Variants in CCDC66 observed in about 807,000 individuals in gnomAD.
The protein encoded by CCDC66 is coiled-coil domain containing 66.
CCDC66 carries 133 observed loss-of-function variants against 128.3 expected under a neutral mutation model. That is an observed-to-expected ratio of 1.04 (90% CI 0.90 to 1.20). The LOEUF (loss-of-function observed/expected upper bound fraction) is 1.20, where lower values mean the gene tolerates loss of function less well. Among genes scored for constraint, CCDC66 ranks in the 50% most tolerant of loss-of-function variants. CCDC66 has a pLI of 0.00. For synonymous variants in CCDC66, 387 were observed against 357.0 expected (o/e 1.08, Z -0.95); for missense variants, 1,126 against 1,075.5 (o/e 1.05, Z -0.66).
intron 7 of CCDC66, 139 bp downstream of exon 7, chr3:56,571,441 G>A: frequency 3.7e-6 from 2 of 544,130 alleles, no homozygotes; most frequent in Non-Finnish European, 3.1e-6. Flanking sequence ...GAATGCAGTG[G>A]CACAGTCTCA....
chr3:56,619,169 G>C, intron 15 of CCDC66, 102 bp from the exon 16 acceptor site: 2 of 997,276 alleles, frequency 2.0e-6, no homozygotes, highest in Non-Finnish European at 2.9e-6. Flanking sequence ...ACTCCAGCCT[G>C]GGCAACAGAG....
At chr3:56,572,677 A>G (rs1577351318) in intron 7 of CCDC66, 3 of 166,518 alleles carry the variant, frequency 1.8e-5, no homozygotes, top group East Asian at 1.8e-4. Flanking sequence ...CTGGTGGTAG[A>G]AATTTTTGGC....
chr3:56,559,622 G>A, intron 3 of CCDC66, 28 bp downstream of exon 3: 2 of 1,498,978 alleles, frequency 1.3e-6, no homozygotes, highest in Non-Finnish European at 1.8e-6. Context: ...GACCTGACCT[G>A]TTTTCAAATG....
In CCDC66 at chr3:56,619,461, T is replaced by C. The variant is rs1559788096; in HGVS notation, c.2569T>C (p.Tyr857His). 6.2e-7 allele frequency: 1 copy of C among 1,613,916 alleles called. No individual in the cohort carries two copies. Among genetic ancestry groups the C allele is most frequent in the Admixed American group, 1.7e-5 (1 of 59,990 alleles). The change falls in exon 16 of 18, where the codon TAC becomes CAC. Residue 857 changes from tyrosine (Y) to histidine (H), a missense_variant. Tyr to His is a moderately conservative substitution (Grantham distance 83, BLOSUM62 2). Transcript: ENST00000394672. ...GTATGTTCGAACAAATGAGATCTAT[T>C]ACCTTGATCCCGATGCACCATTGTC... ...IPYVRTNEIY[Y>H]LDPDAPLSGP...
chr3:56,572,254 T>A, intron 7 of CCDC66: 1 of 735,646 alleles, frequency 1.4e-6, no homozygotes. Flanking sequence ...AGTGCTTTTG[T>A]GATTTTTAAA....
intron 10 of CCDC66, among the ~76,000 whole-genome samples, chr3:56,608,118 G>A (rs560385585): frequency 5.9e-5 from 9 of 152,076 alleles, no homozygotes; most frequent in Middle Eastern, 3.2e-3. Flanking sequence ...TCCTTTCCTG[G>A]TTTTGGTATT....
chr3:56,571,289 T>C lies in CCDC66; in HGVS notation c.923T>C (p.Leu308Pro). The change falls in exon 7 of 18, where the codon CTT (leucine) becomes CCT (proline). Residue 308 changes from leucine to proline, a missense_variant. By Grantham distance (98) the Leu-to-Pro change is moderately conservative. Coordinates refer to ENST00000394672, the MANE Select transcript of CCDC66 (RefSeq NM_001141947.3). ...ATAATATGGGAAAAACATCAAATTC[T>C]TGACCAATCTAGGGTAAGACATCTT... ...DKIIWEKHQI[L>P]DQSRETVLLE... The C allele has an allele frequency of 1.3e-6, 2 of 1,526,728 alleles. No homozygotes were observed. The allele number at this position is 1,526,728 out of a possible 1,614,324, so 94.6% of individuals were successfully genotyped here.
intron 4 of CCDC66, chr3:56,565,272 T>A (rs1268177427): frequency 5.2e-6 from 1 of 191,822 alleles, no homozygotes; most frequent in East Asian, 1.6e-4. Context: ...ATTTTTATTT[T>A]ATTTATTTAT....
chr3:56,577,595 G>A (rs2067603689), intron 7 of CCDC66, among the ~76,000 whole-genome samples: 3 of 151,942 alleles, frequency 2.0e-5, no homozygotes, highest in East Asian at 3.9e-4. Flanking sequence ...TTTGTATAAG[G>A]TGTAAGGAAG....
intron 7 of CCDC66, among the ~76,000 whole-genome samples, chr3:56,575,916 A>G (rs2107928636): frequency 6.6e-6 from 1 of 151,842 alleles, no homozygotes; most frequent in Non-Finnish European, 1.5e-5. Context: ...GGTCTCCTCT[A>G]TTCCATTAGT....
At chr3:56,593,235 T>C in intron 8 of CCDC66, 134 bp downstream of exon 8, 1 of 835,610 alleles carries the variant, frequency 1.2e-6, no homozygotes, top group Non-Finnish European at 1.8e-6. Context: ...CATGTGAACC[T>C]GTTTCATTGA....
At chr3:56,606,981 G>A (rs2074165407) in intron 10 of CCDC66, among the ~76,000 whole-genome samples, 1 of 152,072 alleles carries the variant, frequency 6.6e-6, no homozygotes, top group Admixed American at 6.5e-5. Context: ...TGGGTTCTCT[G>A]TTCTGTTCCA....
At chr3:56,567,756 G>A (rs1010794541) in intron 6 of CCDC66, among the ~76,000 whole-genome samples, 3 of 151,094 alleles carry the variant, frequency 2.0e-5, no homozygotes, top group African/African-American at 7.3e-5. Flanking sequence ...ACAGTGGTGT[G>A]ATCTCGGCTC....
chr3:56,616,680 G>A (rs13326525), intron 13 of CCDC66: 2,038 of 158,960 alleles, frequency 0.013, 37 homozygotes, highest in African/African-American at 0.045. Flanking sequence ...GCTGAGTCAT[G>A]AGTAACAGGT....
rs1358180721 is a variant in CCDC66 at position 56,619,423 on chromosome 3, C to G, written c.2531C>G (p.Ser844Cys). 4 of 1,613,854 alleles carry G rather than the reference C, an allele frequency of 2.5e-6. No individual in the cohort carries two copies. The highest frequency in any genetic ancestry group is 3.3e-5 in the Admixed American group (2 of 59,978). ...TTATCATCTGGGATTTCTGAATCAT[C>G]CCATTTTATTCCGTATGTTCGAACA... is the stretch of plus-strand genomic sequence containing the variant. ...TELSSGISES[S>C]HFIPYVRTNE... Residue 844 changes from serine (S) to cysteine (C), a missense_variant, in exon 16 of 18, where the codon TCC becomes TGC. By Grantham distance (112) the Ser-to-Cys change is moderately radical (BLOSUM62 -1). Transcript: ENST00000394672.
intron 7 of CCDC66, among the ~76,000 whole-genome samples, chr3:56,583,825 A>G (rs1470378268): frequency 6.6e-6 from 1 of 151,818 alleles, no homozygotes; most frequent in East Asian, 2.0e-4. Flanking sequence ...CACCTCCCAG[A>G]CGGGGTGGCG....
In CCDC66 at chr3:56,621,668, A is replaced by G; in HGVS notation, c.*50A>G. The G allele has an allele frequency of 1.5e-6, 2 of 1,295,436 alleles. No homozygotes were observed. The highest frequency in any genetic ancestry group is 4.1e-5 in the Admixed American group (2 of 48,776). 80.2% of individuals were successfully genotyped at this position (1,295,436 alleles called of 1,614,324 possible). A position where few individuals can be genotyped will look rare whatever the true frequency, so the allele number is the denominator to read the frequency against. ...TTTGATTTGTGTCTTCCAAATTATA[A>G]AATGTGCTCACTGGCTCAACTGTAT... On this transcript the variant is annotated 3_prime_UTR_variant, in exon 18 of 18. Transcript: ENST00000394672.
chr3:56,559,653 A>G, intron 3 of CCDC66, 59 bp downstream of exon 3: 1 of 1,207,536 alleles, frequency 8.3e-7, no homozygotes, highest in Non-Finnish European at 1.2e-6. Flanking sequence ...TTTTATTTAT[A>G]GTGGTTAGAA....
chr3:56,566,884 A>G (rs2107792221), intron 5 of CCDC66, 66 bp from the exon 6 acceptor site: 1 of 1,494,322 alleles, frequency 6.7e-7, no homozygotes, highest in African/African-American at 1.4e-5. Context: ...ATTACTTAAT[A>G]TTTATGGAGT....
Sources: gnomAD v4.1 joint callset for allele counts (sites outside exome capture counted in the v4.1 genomes callset) on GRCh38, gnomAD v4.1.1 for gene constraint, MANE v1.5 for transcripts, NCBI Gene and HGNC (gene_info 2026-07-23, HGNC 2026-07-21) for gene names.